Variants in UNC13B observed in about 807,000 individuals in gnomAD.
UNC13B encodes the protein protein unc-13 homolog B.
UNC13B carries 144 observed loss-of-function variants against 211.0 expected under a neutral mutation model. The observed-to-expected ratio is 0.68, with a 90% CI of 0.60 to 0.78. The LOEUF (loss-of-function observed/expected upper bound fraction) is 0.78. UNC13B is among the 30% of genes least tolerant of loss of function. The probability of loss-of-function intolerance (pLI) is 0.00; values close to 1 mark genes in which losing one functional copy is unlikely to be tolerated. For missense variants in UNC13B, 1,777 were observed against 2,002.0 expected (o/e 0.89, Z 2.14); for synonymous variants, 709 against 725.8 (o/e 0.98, Z 0.37).
chr9:35,209,809 G>T lies in UNC13B; in HGVS notation c.23-18206G>T, dbSNP rs747097125. Among the ~76,000 whole-genome samples, 7 of 152,118 alleles carry T rather than the reference G, an allele frequency of 4.6e-5. No individual in the cohort carries two copies. In the South Asian group the frequency reaches 1.5e-3, roughly 32 times the overall value. On this transcript the variant is annotated intron_variant, in intron 1 of 39. Coordinates refer to ENST00000635942, the MANE Select transcript of UNC13B (RefSeq NM_001371189.2). ...ATTTCCATTTTACATGACAAATTTT[G>T]TTACTTATTTAATTATTCCCAGACT...
rs1175665049 is a variant in UNC13B, at chr9:35,310,719, C to T, written c.9261C>T (p.Ala3087=). Residue 3087 remains alanine (A), a synonymous_variant, in exon 10 of 40, where the codon GCC becomes GCT. Coordinates refer to ENST00000635942, the MANE Select transcript of UNC13B (RefSeq NM_001371189.2). ...ACEPKEMKED[A]TTHPPPDLVL... ...AACCCAAGGAGATGAAAGAAGATGC[C>T]ACAACCCACCCTCCCCCAGATCTGG... 4.3e-6 allele frequency: 7 copies of T among 1,613,890 alleles called. No homozygotes were observed. Among genetic ancestry groups the T allele is most frequent in the Non-Finnish European group, 5.9e-6 (7 of 1,179,996 alleles).
chr9:35,162,241 CGGCGCGGCTGG>C lies in UNC13B; in HGVS notation c.-34_-24del. The C allele has an allele frequency of 1.3e-6, 2 of 1,542,236 alleles. No homozygotes were observed. The highest frequency in any genetic ancestry group is 1.7e-6 in the Non-Finnish European group (2 of 1,146,746). ...TGCTGAGAGGAAAGAGGGAGCGGTC[CGGCGCGGCTGG>C]GGCGCGGCAGAGGCTTGCCCGATCC... On this transcript the variant is annotated 5_prime_UTR_variant, in exon 1 of 40. Transcript: ENST00000635942.
At chr9:35,206,939 C>T (rs144950597) in intron 1 of UNC13B, among the ~76,000 whole-genome samples, 2 of 151,316 alleles carry the variant, frequency 1.3e-5, no homozygotes, top group Admixed American at 1.3e-4. Flanking sequence ...GTTTGTTTAC[C>T]CATTCATTAG....
At chr9:35,332,940 A>G (rs1831454314) in intron 11 of UNC13B, among the ~76,000 whole-genome samples, 1 of 152,192 alleles carries the variant, frequency 6.6e-6, no homozygotes, top group African/African-American at 2.4e-5. Context: ...CAAAAACAGG[A>G]AAAAGTAACC....
intron 5 of UNC13B, among the ~76,000 whole-genome samples, chr9:35,240,666 T>C (rs1388919230): frequency 2.0e-5 from 3 of 152,188 alleles, no homozygotes; most frequent in Non-Finnish European, 4.4e-5. Context: ...TTTTTTAATG[T>C]TGTATTACTT....
chr9:35,238,576 T>TG (rs1240445297), intron 5 of UNC13B, among the ~76,000 whole-genome samples: 1 of 152,004 alleles, frequency 6.6e-6, no homozygotes, highest in Non-Finnish European at 1.5e-5. Context: ...TTCCTTTTTT[T>TG]GAGATGGAGT....
At position 35,285,669 on chromosome 9, in the gene UNC13B, C is replaced by G. The variant is rs571675319; in HGVS notation, c.527-10027C>G. ...AATGAGCCATGATTGTCACTGCACT[C>G]CAGCATGGGTGACAGGGCAAGACCT... is the stretch of plus-strand genomic sequence containing the variant. On this transcript the variant is annotated intron_variant, in intron 7 of 39. Transcript: ENST00000635942. 5.3e-5 allele frequency among the ~76,000 whole-genome samples: 8 copies of G among 152,206 alleles called. No individual in the cohort carries two copies. In the South Asian group the frequency reaches 1.7e-3, roughly 32 times the overall value.
intron 17 of UNC13B, 22 bp downstream of exon 17, chr9:35,378,458 C>G (rs1564180370): frequency 1.9e-6 from 3 of 1,613,994 alleles, no homozygotes; most frequent in Non-Finnish European, 2.5e-6. Flanking sequence ...AGAGCTTTGT[C>G]TTACCTGGGA....
At position 35,165,418 on chromosome 9, in the gene UNC13B, T is replaced by A. The variant is rs545704511; in HGVS notation, c.22+3113T>A. Among the ~76,000 whole-genome samples, 291 of 151,714 alleles carry A rather than the reference T, an allele frequency of 1.9e-3. 4 individuals are homozygous for A. The highest frequency in any genetic ancestry group is 6.7e-3 in the African/African-American group (278 of 41,382). Reference sequence around the variant, plus strand: ...GCGGGTGATTGACTTGAATTTTTTTTTTTTTTTTTTTTTAATTTTTTGAGA... The same window carrying A: ...GCGGGTGATTGACTTGAATTTTTTTATTTTTTTTTTTTTAATTTTTTGAGA... On this transcript the variant is annotated intron_variant, in intron 1 of 39. Transcript: ENST00000635942.
intron 6 of UNC13B, among the ~76,000 whole-genome samples, chr9:35,256,669 A>G (rs1198486323): frequency 6.6e-6 from 1 of 152,168 alleles, no homozygotes; most frequent in African/African-American, 2.4e-5. Context: ...CTAGCATTTA[A>G]TACCCACCTG....
At chr9:35,284,925 C>T (rs755722016) in intron 7 of UNC13B, among the ~76,000 whole-genome samples, 1 of 152,142 alleles carries the variant, frequency 6.6e-6, no homozygotes, top group Non-Finnish European at 1.5e-5. Flanking sequence ...GGTGGTGTAA[C>T]AGTTGCCTGG....
Position 35,377,945 on chromosome 9 carries a change from G to T in UNC13B, c.10063+250G>T, listed in dbSNP as rs559357568. Among the ~76,000 whole-genome samples the T allele has an allele frequency of 2.6e-5, 4 of 151,704 alleles. No homozygotes were observed. In the East Asian group the frequency reaches 5.8e-4, roughly 22 times the overall value. Reference sequence around the variant, plus strand: ...CTAACAACCTAACGCTGTAGACTTGGCTAACAGTTTGATATTATAAGAGGT... The same window carrying T: ...CTAACAACCTAACGCTGTAGACTTGTCTAACAGTTTGATATTATAAGAGGT... On this transcript the variant is annotated intron_variant, in intron 16 of 39. Transcript: ENST00000635942.
At chr9:35,365,404 A>T (rs1032006114) in intron 11 of UNC13B, among the ~76,000 whole-genome samples, 1 of 152,212 alleles carries the variant, frequency 6.6e-6, no homozygotes, top group African/African-American at 2.4e-5. Flanking sequence ...GAGCACAGGA[A>T]ATGTGCATGA....
intron 7 of UNC13B, among the ~76,000 whole-genome samples, chr9:35,286,226 CTTT>C (rs777657602): frequency 8.5e-6 from 1 of 117,652 alleles, no homozygotes; most frequent in Non-Finnish European, 1.8e-5. Context: ...AAGCTTGGAA[CTTT>C]TTTTTTTTTT....
At chr9:35,282,717 G>A (rs1828573467) in intron 7 of UNC13B, among the ~76,000 whole-genome samples, 1 of 152,146 alleles carries the variant, frequency 6.6e-6, no homozygotes, top group Non-Finnish European at 1.5e-5. Flanking sequence ...TTACAGGTGT[G>A]AGCCACCATG....
At position 35,405,067 on chromosome 9, in the gene UNC13B, G is replaced by A. The variant is rs573915435; in HGVS notation, c.*1034G>A. The A allele has an allele frequency of 6.5e-6, 1 of 152,748 alleles. No individual in the cohort carries two copies. Among genetic ancestry groups the A allele is most frequent in the East Asian group, 1.9e-4 (1 of 5,174 alleles). The allele number at this position is 152,748 out of a possible 1,614,324, so 9.5% of individuals were successfully genotyped here. ...TCTGATCCCTCTGTACAGGCTGGAT[G>A]GAAGGGGCCCTCCACACTTCCTGGG... On this transcript the variant is annotated 3_prime_UTR_variant, in exon 40 of 40. Coordinates refer to ENST00000635942, the MANE Select transcript of UNC13B (RefSeq NM_001371189.2).
At chr9:35,392,195 C>T (rs1489416644) in intron 26 of UNC13B, among the ~76,000 whole-genome samples, 1 of 152,280 alleles carries the variant, frequency 6.6e-6, no homozygotes, top group East Asian at 1.9e-4. Flanking sequence ...ACTTACTCAG[C>T]ACTGACTAAA....
At chr9:35,332,635 T>G (rs549553303) in intron 11 of UNC13B, among the ~76,000 whole-genome samples, 33 of 152,342 alleles carry the variant, frequency 2.2e-4, no homozygotes, top group Admixed American at 5.9e-4. Context: ...GTTTCCTTGC[T>G]TTTATTTTCT....
intron 7 of UNC13B, among the ~76,000 whole-genome samples, chr9:35,279,063 A>G (rs1432657177): frequency 1.3e-5 from 2 of 152,228 alleles, no homozygotes; most frequent in African/African-American, 4.8e-5. Flanking sequence ...CATGTAGCAT[A>G]AAATAAACCA....
Sources: gnomAD v4.1 joint callset for allele counts (sites outside exome capture counted in the v4.1 genomes callset) on GRCh38, gnomAD v4.1.1 for gene constraint, MANE v1.5 for transcripts, NCBI Gene and HGNC (gene_info 2026-07-23, HGNC 2026-07-21) for gene names.